The following ABCA6 variants were observed in gnomAD, a reference collection of about 807,000 sequenced individuals.
ABCA6 encodes ATP-binding cassette sub-family A member 6.
Under a neutral mutation model 191.2 loss-of-function variants are expected in ABCA6, and 164 were observed. The ratio of observed to expected loss-of-function variants is 0.86; its 90% CI spans 0.76 to 0.98. The LOEUF (loss-of-function observed/expected upper bound fraction) is 0.98, where lower values mean the gene tolerates loss of function less well. ABCA6 is among the 50% of genes least tolerant of loss of function. The pLI is 0.00. For synonymous variants in ABCA6, 636 were observed against 647.7 expected (o/e 0.98, Z 0.27); for missense variants, 1,958 against 1,894.1 (o/e 1.03, Z -0.63).
chr17:69,131,709 T>A (rs2073865174), intron 6 of ABCA6, among the ~76,000 whole-genome samples: 1 of 152,236 alleles, frequency 6.6e-6, no homozygotes, highest in Non-Finnish European at 1.5e-5. Context: ...CATTTCAGAA[T>A]CTTTTTTCTT....
At chr17:69,085,837 T>C in intron 30 of ABCA6, 121 bp from the exon 31 acceptor site, 4 of 690,914 alleles carry the variant, frequency 5.8e-6, no homozygotes, top group Non-Finnish European at 7.6e-6. Flanking sequence ...TTGAGATTGA[T>C]AACATATATG....
intron 27 of ABCA6, 150 bp from the exon 28 acceptor site, chr17:69,088,408 T>A (rs1246629971): frequency 5.0e-6 from 3 of 603,486 alleles, no homozygotes; most frequent in Admixed American, 3.4e-5. Flanking sequence ...ACATTCACAA[T>A]CCAGGTTAGT....
chr17:69,085,039 G>A lies in ABCA6; in HGVS notation c.4173C>T (p.Leu1391=), dbSNP rs143317768. 6.2e-6 allele frequency: 10 copies of A among 1,609,688 alleles called. No individual in the cohort carries two copies. The highest frequency in any genetic ancestry group is 5.4e-5 in the African/African-American group (4 of 74,640). The part of the protein sequence containing the change: ...VKGLRKADAR[L]AIARLVSAFK... Reference sequence around the variant, plus strand: ...GGTCCCGTCTGTACCTTGCGATGGCGAGCCTCGCGTCCGCTTTCCTGAGCC... The same window carrying A: ...GGTCCCGTCTGTACCTTGCGATGGCAAGCCTCGCGTCCGCTTTCCTGAGCC... Residue 1391 remains leucine, a synonymous_variant, in exon 32 of 39, where the codon CTC becomes CTT. Coordinates refer to ENST00000284425, the MANE Select transcript of ABCA6 (RefSeq NM_080284.3).
At chr17:69,111,893 T>C (rs573973963) in intron 16 of ABCA6, 1 of 234,420 alleles carries the variant, frequency 4.3e-6, no homozygotes, top group African/African-American at 2.3e-5. Flanking sequence ...AAAATGTGGG[T>C]AGGAAGCAGG....
At chr17:69,122,701 G>A (rs1245136277) in intron 10 of ABCA6, among the ~76,000 whole-genome samples, 1 of 151,956 alleles carries the variant, frequency 6.6e-6, no homozygotes, top group East Asian at 1.9e-4. Flanking sequence ...AAGTATAAAA[G>A]AGAGGTGGGC....
intron 22 of ABCA6, chr17:69,098,641 A>G (rs2073105069): frequency 6.6e-6 from 1 of 151,288 alleles, no homozygotes; most frequent in Admixed American, 6.6e-5. Context: ...AAAAAAAAAA[A>G]AAAAAAGAAG....
At position 69,084,294 on chromosome 17, in the gene ABCA6, G is replaced by A. The variant is rs140087185; in HGVS notation, c.4322C>T (p.Thr1441Met). The stretch of plus-strand genomic sequence containing the variant: ...CTGCTGCCCTGTGGGGTCTATGCCC[G>A]TAGATGGTTCATCCAGGAGCAAGAC... Reference protein sequence around the residue: ...SPVLLLDEPSTGIDPTGQQQM... With the variant: ...SPVLLLDEPSMGIDPTGQQQM... The change falls in exon 34 of 39, where the codon ACG becomes ATG. Residue 1441 changes from threonine (T) to methionine (M), a missense_variant. Thr to Met is a moderately conservative substitution (Grantham distance 81, BLOSUM62 -1). Coordinates refer to ENST00000284425, the MANE Select transcript of ABCA6 (RefSeq NM_080284.3). 117 of 1,613,992 alleles carry A rather than the reference G, an allele frequency of 7.2e-5. No individual in the cohort carries two copies. The highest frequency in any genetic ancestry group is 1.7e-4 in the Admixed American group (10 of 59,992).
rs750816936 is a variant in ABCA6 at position 69,078,973 on chromosome 17, T to C, written c.4854A>G (p.Ter1618=). ...ACAAAAAATTACTAGGTTTGAGGTT[T>C]TAAGGTTCATCTGAATGAGGGAGGA... is the stretch of plus-strand genomic sequence containing the variant. ...WKLLPHSDEP[*] The change falls in exon 39 of 39, where the codon TAA becomes TAG. Residue 1618 remains the stop codon, a stop_retained_variant. Transcript: ENST00000284425. 1.9e-6 allele frequency: 3 copies of C among 1,602,550 alleles called. No individual in the cohort carries two copies. Among genetic ancestry groups the C allele is most frequent in the Admixed American group, 3.4e-5 (2 of 58,782 alleles).
At chr17:69,112,368 G>C (rs1219094898) in intron 15 of ABCA6, 95 bp from the exon 16 acceptor site, 2 of 912,462 alleles carry the variant, frequency 2.2e-6, no homozygotes, top group East Asian at 2.4e-5. Context: ...GAAGTGCAAA[G>C]GAGAAGTATT....
intron 15 of ABCA6, chr17:69,112,957 TA>T (rs1400136447): frequency 4.6e-5 from 12 of 258,238 alleles, no homozygotes; most frequent in Middle Eastern, 1.1e-3. Context: ...TAAATATATA[TA>T]AAAAAAGATT....
Position 69,115,419 on chromosome 17 carries a change from A to T in ABCA6, c.1563T>A (p.Ser521=). The change falls in exon 12 of 39, where the codon TCT becomes TCA. Residue 521 remains serine (S), a synonymous_variant. Coordinates refer to ENST00000284425, the MANE Select transcript of ABCA6 (RefSeq NM_080284.3). Reference sequence around the variant, plus strand: ...ATCCATTAAGAATATTTAGCAGTGAAGATTTGCCAGCTCCACTGTGACCCA... The same window carrying T: ...ATCCATTAAGAATATTTAGCAGTGATGATTTGCCAGCTCCACTGTGACCCA... ...AILGHSGAGK[S]SLLNILNGLS... 1 of 1,612,040 alleles carries T rather than the reference A, an allele frequency of 6.2e-7. No individual in the cohort carries two copies. Among genetic ancestry groups the T allele is most frequent in the South Asian group, 1.1e-5 (1 of 90,766 alleles).
At chr17:69,109,429 G>A (rs1356661619) in intron 17 of ABCA6, 1 of 152,178 alleles carries the variant, frequency 6.6e-6, no homozygotes, top group Non-Finnish European at 1.5e-5. Context: ...AATGGGTGCT[G>A]CTACCCAGTT....
At chr17:69,081,192 A>C in intron 36 of ABCA6, 47 bp from the exon 37 acceptor site, 1 of 993,822 alleles carries the variant, frequency 1.0e-6, no homozygotes, top group Non-Finnish European at 1.5e-6. Flanking sequence ...TCAAGGGGAG[A>C]AAATGAGCAT....
At chr17:69,128,883 G>T (rs1179726119) in intron 7 of ABCA6, 79 bp from the exon 8 acceptor site, 2 of 1,101,734 alleles carry the variant, frequency 1.8e-6, no homozygotes, top group Non-Finnish European at 2.6e-6. Context: ...AATCAAATAA[G>T]GATTTTTATA....
Position 69,110,776 on chromosome 17 carries a change from TTCATTGTAA to T in ABCA6, c.2272+16_2272+24del. On this transcript the variant is annotated intron_variant, in intron 17 of 38. Transcript: ENST00000284425. ...GTGAACATTTTTTCCCATATTTCAT[TTCATTGTAA>T]TCATAGTTGAGTTACCTGGAAATGT... The T allele has an allele frequency of 6.3e-7, 1 of 1,578,790 alleles. No individual in the cohort carries two copies. The highest frequency in any genetic ancestry group is 8.6e-7 in the Non-Finnish European group (1 of 1,165,278).
rs774184540 is a variant in ABCA6, at chr17:69,084,364, T to C, written c.4261-9A>G. 1.2e-6 allele frequency: 2 copies of C among 1,614,108 alleles called. No individual in the cohort carries two copies. Among genetic ancestry groups the C allele is most frequent in the Non-Finnish European group, 8.5e-7 (1 of 1,180,010 alleles). The stretch of plus-strand genomic sequence containing the variant: ...CTCAGCACAAAACACAACTGCAATG[T>C]AGAAAAACACCCCTGTTTGCTGCCA... On this transcript the variant is annotated splice_polypyrimidine_tract_variant and intron_variant, in intron 33 of 38. Coordinates refer to ENST00000284425, the MANE Select transcript of ABCA6 (RefSeq NM_080284.3).
Position 69,124,879 on chromosome 17 carries a change from A to G in ABCA6, c.1267+9T>C. ...TGTAGAGGACAGAGAAAAACTCACTATTACTTACAGGGTAAAATTTTGTCA... is the reference window on the plus strand; with the variant it reads ...TGTAGAGGACAGAGAAAAACTCACTGTTACTTACAGGGTAAAATTTTGTCA... On this transcript the variant is annotated intron_variant, in intron 9 of 38. Coordinates refer to ENST00000284425, the MANE Select transcript of ABCA6 (RefSeq NM_080284.3). The G allele has an allele frequency of 1.3e-6, 2 of 1,538,018 alleles. No homozygotes were observed. Among genetic ancestry groups the G allele is most frequent in the Non-Finnish European group, 1.8e-6 (2 of 1,138,034 alleles).
chr17:69,131,572 CT>C (rs2073862194), intron 6 of ABCA6, among the ~76,000 whole-genome samples: 1 of 91,542 alleles, frequency 1.1e-5, no homozygotes, highest in Non-Finnish European at 2.8e-5. Flanking sequence ...AACTATCTTG[CT>C]AAAAAACAAA....
In ABCA6 at chr17:69,113,286, C is replaced by T; in HGVS notation, c.1977G>A (p.Glu659=). ...AAAGGATCACATGATCTGCTCTACG[C>T]TCTCTCAGGAGGCTCCACACTTGAT... The part of the protein sequence containing the change: ...SRDQVWSLLR[E]RRADHVILFS... The change falls in exon 15 of 39, where the codon GAG becomes GAA. Residue 659 remains glutamate, a synonymous_variant. Coordinates refer to ENST00000284425, the MANE Select transcript of ABCA6 (RefSeq NM_080284.3). The T allele has an allele frequency of 6.2e-7, 1 of 1,602,530 alleles. No individual in the cohort carries two copies. The highest frequency in any genetic ancestry group is 8.5e-7 in the Non-Finnish European group (1 of 1,177,058).
Sources: gnomAD v4.1 joint callset for allele counts (sites outside exome capture counted in the v4.1 genomes callset) on GRCh38, gnomAD v4.1.1 for gene constraint, MANE v1.5 for transcripts, NCBI Gene and HGNC (gene_info 2026-07-23, HGNC 2026-07-21) for gene names.